WDTC1: variants seen among roughly 807,000 people sequenced by gnomAD.
WDTC1 encodes the protein WD and tetratricopeptide repeats protein 1.
Under a neutral mutation model 76.0 loss-of-function variants are expected in WDTC1, and 12 were observed. The ratio of observed to expected loss-of-function variants is 0.16; its 90% CI spans 0.10 to 0.26. WDTC1 has a LOEUF of 0.26. Among genes scored for constraint, WDTC1 ranks in the 10% least tolerant of loss-of-function variants. WDTC1 has a pLI of 1.00. For synonymous variants in WDTC1, 326 were observed against 350.8 expected, an observed-to-expected ratio of 0.93 and a Z score of 0.79; for missense variants, 511 against 908.8, an observed-to-expected ratio of 0.56 and a Z score of 5.63.
chr1:27,292,895 G>T (rs1238040151), intron 7 of WDTC1, among the ~76,000 whole-genome samples: 3 of 149,984 alleles, frequency 2.0e-5, no homozygotes, highest in African/African-American at 7.3e-5. Flanking sequence ...GGGATTACAG[G>T]CACCTGCCAC....
chr1:27,261,157 T>C, intron 2 of WDTC1, 55 bp downstream of exon 2: 3 of 1,606,676 alleles, frequency 1.9e-6, no homozygotes, highest in Non-Finnish European at 2.6e-6. Flanking sequence ...TCCCACAGAT[T>C]GATTTTACAG....
chr1:27,298,659 T>G (rs1180951793), intron 12 of WDTC1, among the ~76,000 whole-genome samples: 1 of 152,088 alleles, frequency 6.6e-6, no homozygotes, highest in East Asian at 1.9e-4. Flanking sequence ...AATAAAGAAG[T>G]AGACCATATC....
intron 2 of WDTC1, among the ~76,000 whole-genome samples, chr1:27,261,889 G>C (rs6598881): frequency 0.98 from 149,014 of 152,222 alleles, 73,033 homozygotes; most frequent in Middle Eastern, 1. Context: ...TGAGAAAGTT[G>C]TTTGACAAAT....
intron 1 of WDTC1, among the ~76,000 whole-genome samples, chr1:27,255,877 T>C (rs1413134511): frequency 2.6e-5 from 4 of 152,084 alleles, no homozygotes; most frequent in African/African-American, 9.7e-5. Context: ...CCAAAACTTT[T>C]TGAACCACTC....
In WDTC1 at chr1:27,249,159, C is replaced by A. The variant is rs186017374; in HGVS notation, c.-99-11797C>A. Among the ~76,000 whole-genome samples, 19 of 151,958 alleles carry A rather than the reference C, an allele frequency of 1.3e-4. No individual in the cohort carries two copies. The East Asian group carries it at 3.7e-3, about 30-fold the overall frequency. Reference sequence around the variant, plus strand: ...TGGTGCATGCCTGTAATCCCAGCTACTCCGGAGGCTGAGGCATGAGAATCA... The same window carrying A: ...TGGTGCATGCCTGTAATCCCAGCTAATCCGGAGGCTGAGGCATGAGAATCA... On this transcript the variant is annotated intron_variant, in intron 1 of 15. Coordinates refer to ENST00000319394, the MANE Select transcript of WDTC1 (RefSeq NM_001276252.2).
intron 5 of WDTC1, among the ~76,000 whole-genome samples, chr1:27,286,313 GT>G (rs34951095): frequency 1.6e-4 from 21 of 132,174 alleles, no homozygotes; most frequent in Admixed American, 2.2e-4. Context: ...GGTTTTTTTT[GT>G]TTTTTTTTTT....
chr1:27,276,035 A>G (rs1373682711), intron 3 of WDTC1, among the ~76,000 whole-genome samples: 3 of 152,218 alleles, frequency 2.0e-5, no homozygotes, highest in South Asian at 2.1e-4. Context: ...AGATTCATCT[A>G]TGTTATAGTA....
chr1:27,250,645 C>G (rs1018915225), intron 1 of WDTC1, among the ~76,000 whole-genome samples: 1 of 152,092 alleles, frequency 6.6e-6, no homozygotes, highest in African/African-American at 2.4e-5. Flanking sequence ...ATGTTTTTCT[C>G]TTTCTGCTGC....
intron 2 of WDTC1, 119 bp from the exon 3 acceptor site, chr1:27,263,033 T>G (rs748744013): frequency 1.3e-4 from 130 of 979,006 alleles, no homozygotes; most frequent in Admixed American, 9.8e-4. Context: ...TGTAGGCCAG[T>G]TCCTTGTTGT....
chr1:27,291,673 C>A (rs2013540373), intron 6 of WDTC1, among the ~76,000 whole-genome samples: 1 of 152,154 alleles, frequency 6.6e-6, no homozygotes, highest in South Asian at 2.1e-4. Flanking sequence ...ATCTAGATAG[C>A]TCTTAGATGA....
intron 3 of WDTC1, among the ~76,000 whole-genome samples, chr1:27,277,997 C>A (rs1240460503): frequency 1.3e-5 from 2 of 152,052 alleles, no homozygotes; most frequent in African/African-American, 4.8e-5. Context: ...TGCATGATGA[C>A]ACCCAGCTAA....
At chr1:27,304,790 A>C in intron 14 of WDTC1, 2 of 514,280 alleles carry the variant, frequency 3.9e-6, no homozygotes, top group Admixed American at 3.4e-5. Context: ...TGTCTTGGAG[A>C]AATCCAGGTA....
At chr1:27,302,520 A>C (rs1010889621) in intron 13 of WDTC1, among the ~76,000 whole-genome samples, 43 of 152,230 alleles carry the variant, frequency 2.8e-4, no homozygotes, top group African/African-American at 1.0e-3. Flanking sequence ...AAATAGCTTG[A>C]GCCCAGGAGT....
chr1:27,292,480 C>A (rs77677906), intron 7 of WDTC1, 83 bp downstream of exon 7: 19,416 of 1,320,984 alleles, frequency 0.015, 164 homozygotes, highest in Middle Eastern at 0.023. Context: ...CATTGCCATG[C>A]CCTCTTCTTC....
chr1:27,275,490 G>A (rs913104677), intron 3 of WDTC1, among the ~76,000 whole-genome samples: 9 of 151,952 alleles, frequency 5.9e-5, no homozygotes, highest in Non-Finnish European at 2.9e-5. Context: ...ATGATGGCAG[G>A]CACCTGTAAT....
intron 1 of WDTC1, among the ~76,000 whole-genome samples, chr1:27,259,128 A>G (rs1424205462): frequency 6.6e-6 from 1 of 152,182 alleles, no homozygotes; most frequent in Non-Finnish European, 1.5e-5. Flanking sequence ...CATTAACCAA[A>G]GAGAGCTATT....
intron 3 of WDTC1, among the ~76,000 whole-genome samples, chr1:27,267,249 CTT>C (rs869288356): frequency 2.2e-4 from 31 of 140,062 alleles, no homozygotes; most frequent in Non-Finnish European, 2.0e-4. Context: ...GGATTACTTT[CTT>C]TTTTTTTTTT....
intron 1 of WDTC1, among the ~76,000 whole-genome samples, chr1:27,260,236 C>T (rs2147930588): frequency 6.6e-6 from 1 of 152,224 alleles, no homozygotes; most frequent in East Asian, 1.9e-4. Context: ...TCCCGAGTAG[C>T]TGGGACTACA....
rs1230709308 is a variant in WDTC1 at position 27,287,649 on chromosome 1, C to A, written c.292-25C>A. On this transcript the variant is annotated intron_variant, in intron 5 of 15. Transcript: ENST00000319394. ...GGCCATTTCTACTCTTACCACCCAC[C>A]CCTTCCTCCATTTCTCCTATATAGT... 1.9e-6 allele frequency: 3 copies of A among 1,603,746 alleles called. No individual in the cohort carries two copies. In the Admixed American group the frequency reaches 5.1e-5, roughly 27 times the overall value.
Sources: gnomAD v4.1 joint callset for allele counts (sites outside exome capture counted in the v4.1 genomes callset) on GRCh38, gnomAD v4.1.1 for gene constraint, MANE v1.5 for transcripts, NCBI Gene and HGNC (gene_info 2026-07-23, HGNC 2026-07-21) for gene names.